DMD: variants seen among roughly 807,000 people sequenced by gnomAD.
DMD encodes the protein dystrophin.
DMD carries 63 observed loss-of-function variants against 330.1 expected under a neutral mutation model. The ratio of observed to expected loss-of-function variants is 0.19; its 90% confidence interval spans 0.16 to 0.24. DMD has a LOEUF of 0.24. Ranked by LOEUF, DMD falls within the 10% of genes least tolerant of loss-of-function variation. DMD has a pLI of 1.00. For missense variants in DMD, 3,344 were observed against 2,684.1 expected (o/e 1.25, Z -5.43); for synonymous variants, 1,223 against 959.8 (o/e 1.27, Z -5.07).
chrX:33,148,308 T>G (rs2048121975), intron 1 of DMD, among the ~76,000 whole-genome samples: 1 of 112,416 alleles, frequency 8.9e-6, no homozygotes, highest in African/African-American at 3.2e-5. Context: ...GGAGCAGATG[T>G]GCTAAAAGCC....
intron 49 of DMD, among the ~76,000 whole-genome samples, chrX:31,833,842 G>A (rs750787385): frequency 3.0e-4 from 33 of 110,911 alleles, no homozygotes; most frequent in African/African-American, 6.6e-4. Context: ...GTTTGTAAGC[G>A]GTGGACACAC....
chrX:31,421,962 C>CACACACACACAT (rs1556630496), intron 60 of DMD, among the ~76,000 whole-genome samples: 29 of 63,881 alleles, frequency 4.5e-4, no homozygotes, highest in African/African-American at 3.1e-3. Flanking sequence ...TATATATACA[C>CACACACACACAT]ATATATATAT....
At chrX:32,560,192 A>T (rs1371141584) in intron 16 of DMD, among the ~76,000 whole-genome samples, 1 of 109,156 alleles carries the variant, frequency 9.2e-6, no homozygotes, top group African/African-American at 3.3e-5. Flanking sequence ...GCTTGAAAAA[A>T]AAAATATATA....
intron 43 of DMD, among the ~76,000 whole-genome samples, chrX:32,279,047 C>G (rs1377075183): frequency 8.9e-6 from 1 of 111,848 alleles, no homozygotes; most frequent in Non-Finnish European, 1.9e-5. Context: ...AAATGGCAAA[C>G]AGGTGTATCA....
chrX:32,091,070 G>A (rs763029491), intron 44 of DMD, among the ~76,000 whole-genome samples: 2 of 112,110 alleles, frequency 1.8e-5, no homozygotes, highest in East Asian at 2.8e-4. Context: ...CAGGCACAGC[G>A]GGAACACACT....
At chrX:32,925,145 G>GTTTTTTT (rs777224221) in intron 2 of DMD, among the ~76,000 whole-genome samples, 8 of 48,531 alleles carry the variant, frequency 1.6e-4, no homozygotes, top group African/African-American at 3.2e-4. Flanking sequence ...AAAACTCTGG[G>GTTTTTTT]TTTTTTTTTT....
intron 1 of DMD, among the ~76,000 whole-genome samples, chrX:33,060,912 A>T (rs2094575249): frequency 9.0e-6 from 1 of 111,714 alleles, no homozygotes; most frequent in Non-Finnish European, 1.9e-5. Context: ...TTTGTGACGT[A>T]GGTTCAGAAA....
chrX:32,655,100 A>G (rs1246281026), intron 9 of DMD, among the ~76,000 whole-genome samples: 2 of 111,261 alleles, frequency 1.8e-5, no homozygotes, highest in Non-Finnish European at 3.8e-5. Flanking sequence ...TCCTAGATTC[A>G]TTGATTTTTT....
At chrX:33,090,406 T>C (rs1331354189) in intron 1 of DMD, among the ~76,000 whole-genome samples, 1 of 107,939 alleles carries the variant, frequency 9.3e-6, no homozygotes, top group Non-Finnish European at 1.9e-5. Context: ...TTATAACATA[T>C]ATATTATATA....
chrX:32,492,718 T>C (rs2043124729), intron 19 of DMD, among the ~76,000 whole-genome samples: 1 of 112,651 alleles, frequency 8.9e-6, no homozygotes, highest in Admixed American at 9.4e-5. Context: ...TATTAGCTTA[T>C]ATAGTTTTCT....
chrX:31,420,501 C>A (rs760331946), intron 60 of DMD, among the ~76,000 whole-genome samples: 79 of 112,401 alleles, frequency 7.0e-4, no homozygotes, highest in Non-Finnish European at 4.7e-4. Flanking sequence ...TGATGCAAAG[C>A]AAAACTCTCA....
intron 55 of DMD, among the ~76,000 whole-genome samples, chrX:31,610,786 C>A (rs2077869704): frequency 9.0e-6 from 1 of 111,505 alleles, no homozygotes; most frequent in South Asian, 3.7e-4. Flanking sequence ...AATTTAATGT[C>A]ATGAGTCATT....
chrX:32,340,030 A>C (rs975159867), intron 41 of DMD, among the ~76,000 whole-genome samples: 1 of 111,938 alleles, frequency 8.9e-6, no homozygotes, highest in African/African-American at 3.2e-5. Flanking sequence ...AGATAACTCT[A>C]ATCAGTGGCC....
chrX:32,167,641 G>A (rs1424508460), intron 44 of DMD, among the ~76,000 whole-genome samples: 2 of 112,354 alleles, frequency 1.8e-5, no homozygotes, highest in South Asian at 3.7e-4. Flanking sequence ...CCTGATACAC[G>A]GTTAATGCTA....
Position 32,439,638 on chromosome X carries a change from C to T in DMD, c.3922-1248G>A, listed in dbSNP as rs776044609. ...ATAAATATCTTGAGTTGCAAGAAAA[C>T]CTAGAAGTCGTGCAGTTTTTCTATC... On this transcript the variant is annotated intron_variant, in intron 28 of 78. Coordinates refer to ENST00000357033, the MANE Select transcript of DMD (RefSeq NM_004006.3). Among the ~76,000 whole-genome samples, 4 of 111,183 alleles carry T rather than the reference C, an allele frequency of 3.6e-5. No individual in the cohort carries two copies. The East Asian group carries it at 8.6e-4, about 24-fold the overall frequency.
At chrX:32,818,313 A>G (rs905464354) in intron 5 of DMD, among the ~76,000 whole-genome samples, 1 of 111,863 alleles carries the variant, frequency 8.9e-6, no homozygotes, top group African/African-American at 3.2e-5. Flanking sequence ...TCATTATGTC[A>G]CTAATTCAGC....
chrX:31,871,545 C>G (rs2093889630), intron 48 of DMD, among the ~76,000 whole-genome samples: 1 of 110,865 alleles, frequency 9.0e-6, no homozygotes, highest in Non-Finnish European at 1.9e-5. Flanking sequence ...ACAAACTACC[C>G]GAATGGCAAG....
chrX:33,009,734 A>C (rs928559277), intron 2 of DMD, among the ~76,000 whole-genome samples: 1 of 54,327 alleles, frequency 1.8e-5, no homozygotes. Flanking sequence ...GTATATGTGT[A>C]TATACACACA....
chrX:31,477,908 A>G lies in DMD; in HGVS notation c.8937+198T>C, dbSNP rs72466566. The stretch of plus-strand genomic sequence containing the variant: ...TGTAACTGTTTTAATATTTCATTTC[A>G]TATAACTGAAGACAGACAAATAATT... On this transcript the variant is annotated intron_variant, in intron 59 of 78. Coordinates refer to ENST00000357033, the MANE Select transcript of DMD (RefSeq NM_004006.3). Among the ~76,000 whole-genome samples, 3,059 of 111,806 alleles carry G rather than the reference A, an allele frequency of 0.027. 34 individuals are homozygous for G. The highest frequency in any genetic ancestry group is 0.05 in the Middle Eastern group (11 of 218).
Sources: allele counts gnomAD v4.1 joint callset (sites outside exome capture counted in the v4.1 genomes callset), GRCh38; gene constraint gnomAD v4.1.1; transcripts MANE v1.5; gene names NCBI Gene and HGNC (gene_info 2026-07-23, HGNC 2026-07-21).